RFC3: variants seen among roughly 807,000 people sequenced by gnomAD.
The protein encoded by RFC3 is A1 38 kDa subunit.
A neutral mutation model predicts 45.1 loss-of-function variants in RFC3; 41 were observed. The ratio of observed to expected loss-of-function variants is 0.91; its 90% CI spans 0.71 to 1.18. The LOEUF (loss-of-function observed/expected upper bound fraction) is 1.18, where lower values mean the gene tolerates loss of function less well. Among genes scored for constraint, RFC3 ranks in the 50% most tolerant of loss-of-function variants. RFC3 has a pLI of 0.00. For missense variants in RFC3, 423 were observed against 428.1 expected (o/e 0.99, Z 0.10); for synonymous variants, 149 against 144.0 (o/e 1.03, Z -0.25).
chr13:33,889,606 A>G (rs1464866283), intron 8 of RFC3, among the ~76,000 whole-genome samples: 3 of 152,164 alleles, frequency 2.0e-5, no homozygotes, highest in African/African-American at 7.2e-5. Context: ...ATATGCACAA[A>G]TTGTTATTAG....
At chr13:33,886,849 T>A (rs1274685099) in intron 8 of RFC3, among the ~76,000 whole-genome samples, 1 of 147,860 alleles carries the variant, frequency 6.8e-6, no homozygotes, top group East Asian at 2.0e-4. Context: ...GTGTTCTCAT[T>A]GTTCAGTTCC....
chr13:33,864,322 A>G (rs549606243), intron 8 of RFC3, among the ~76,000 whole-genome samples: 37 of 152,298 alleles, frequency 2.4e-4, no homozygotes, highest in African/African-American at 7.7e-4. Context: ...GGAGGGGACA[A>G]TTATCCAACC....
chr13:33,835,123 A>AT, intron 7 of RFC3, 25 bp from the exon 8 acceptor site: 2 of 1,511,476 alleles, frequency 1.3e-6, no homozygotes, highest in South Asian at 2.4e-5. Context: ...TCTTCACAAA[A>AT]TACCAATTAT....
At chr13:33,951,419 G>T (rs2082990441) in intron 8 of RFC3, among the ~76,000 whole-genome samples, 1 of 151,922 alleles carries the variant, frequency 6.6e-6, no homozygotes, top group African/African-American at 2.4e-5. Flanking sequence ...TTTCAGTAGA[G>T]ACGGGGTTTC....
intron 8 of RFC3, among the ~76,000 whole-genome samples, chr13:33,952,189 C>G (rs1022356733): frequency 1.3e-5 from 2 of 152,180 alleles, no homozygotes; most frequent in Non-Finnish European, 2.9e-5. Context: ...TAGACTTGAA[C>G]ACGTAAGTGC....
At chr13:33,863,220 T>C (rs2082352539) in intron 8 of RFC3, among the ~76,000 whole-genome samples, 1 of 152,196 alleles carries the variant, frequency 6.6e-6, no homozygotes, top group East Asian at 1.9e-4. Flanking sequence ...AAACAATACA[T>C]ACATATATAC....
intron 8 of RFC3, among the ~76,000 whole-genome samples, chr13:33,910,086 TTG>T (rs1297360407): frequency 6.6e-6 from 1 of 152,134 alleles, no homozygotes; most frequent in Non-Finnish European, 1.5e-5. Flanking sequence ...GCACTTCTTA[TTG>T]TGTTATTATT....
the RFC3 span, among the ~76,000 whole-genome samples, chr13:33,974,511 GT>G: frequency 6.6e-6 from 1 of 152,010 alleles, no homozygotes; most frequent in Non-Finnish European, 1.5e-5. Flanking sequence ...CTTTATTTTT[GT>G]CATGAATTAA....
At chr13:33,916,419 G>A (rs999326036) in intron 8 of RFC3, among the ~76,000 whole-genome samples, 4 of 152,138 alleles carry the variant, frequency 2.6e-5, no homozygotes, top group Non-Finnish European at 4.4e-5. Flanking sequence ...AAAAATCACT[G>A]TAGGCCTTTG....
chr13:33,861,190 A>G (rs2082338630), intron 8 of RFC3, among the ~76,000 whole-genome samples: 1 of 152,248 alleles, frequency 6.6e-6, no homozygotes, highest in East Asian at 1.9e-4. Flanking sequence ...TGTAAAATAT[A>G]AAAATAGAGG....
At chr13:33,862,055 A>G (rs2082344158) in intron 8 of RFC3, among the ~76,000 whole-genome samples, 1 of 152,232 alleles carries the variant, frequency 6.6e-6, no homozygotes, top group South Asian at 2.1e-4. Context: ...GAACAGCAGT[A>G]TAGATTTATT....
intron 8 of RFC3, among the ~76,000 whole-genome samples, chr13:33,939,652 G>A (rs1375017554): frequency 2.6e-5 from 4 of 152,212 alleles, no homozygotes; most frequent in South Asian, 2.1e-4. Context: ...TTGCTTTACA[G>A]CTGATTCATC....
chr13:33,874,605 C>A (rs1377930461), intron 8 of RFC3, among the ~76,000 whole-genome samples: 1 of 152,250 alleles, frequency 6.6e-6, no homozygotes, highest in Non-Finnish European at 1.5e-5. Flanking sequence ...AGGCGTGAGC[C>A]ACCATGCCCG....
At chr13:33,976,811 C>T in the RFC3 span, among the ~76,000 whole-genome samples, 1 of 152,184 alleles carries the variant, frequency 6.6e-6, no homozygotes, top group Non-Finnish European at 1.5e-5. Flanking sequence ...TGGAACTTAA[C>T]TCTCCACTTT....
intron 8 of RFC3, among the ~76,000 whole-genome samples, chr13:33,921,745 AGATTTTTGATTTGCTTATC>A (rs1566029139): frequency 6.6e-6 from 1 of 152,004 alleles, no homozygotes; most frequent in African/African-American, 2.4e-5. Context: ...GGTTTCTTTG[AGATTTTTGATTTGCTTATC>A]TCTTCCTCCA....
intron 8 of RFC3, among the ~76,000 whole-genome samples, chr13:33,853,456 C>T (rs1050764375): frequency 2.0e-5 from 3 of 152,234 alleles, no homozygotes; most frequent in African/African-American, 7.2e-5. Flanking sequence ...TCTGTGCCTG[C>T]AACTGGTTGC....
chr13:33,962,789 C>A (rs557707890), intron 8 of RFC3, among the ~76,000 whole-genome samples: 3 of 152,020 alleles, frequency 2.0e-5, no homozygotes, highest in Non-Finnish European at 4.4e-5. Flanking sequence ...CACAATGAAG[C>A]ATTGAGGTTA....
chr13:33,843,867 G>A (rs1490480947), intron 8 of RFC3, among the ~76,000 whole-genome samples: 2 of 152,138 alleles, frequency 1.3e-5, no homozygotes, highest in African/African-American at 2.4e-5. Flanking sequence ...GTTAGCTACC[G>A]AAACCAAATC....
At chr13:33,895,280 A>G (rs1420854562) in intron 8 of RFC3, among the ~76,000 whole-genome samples, 2 of 152,228 alleles carry the variant, frequency 1.3e-5, no homozygotes, top group African/African-American at 2.4e-5. Flanking sequence ...CAAAATCTAT[A>G]AGAAACTCAA....
Sources: gnomAD v4.1 joint callset for allele counts (sites outside exome capture counted in the v4.1 genomes callset) on GRCh38, gnomAD v4.1.1 for gene constraint, MANE v1.5 for transcripts, NCBI Gene and HGNC (gene_info 2026-07-23, HGNC 2026-07-21) for gene names.